MYO3B: variants seen among roughly 807,000 people sequenced by gnomAD.
MYO3B encodes myosin IIIB, also known as myosin-IIIb.
In MYO3B, 156 loss-of-function variants were observed where a neutral mutation model predicts 174.6. That is an observed-to-expected ratio of 0.89 (90% CI 0.78 to 1.02). The LOEUF is 1.02. Among genes scored for constraint, MYO3B ranks in the 50% least tolerant of loss-of-function variants. The pLI, the probability that MYO3B is intolerant of heterozygous loss-of-function variation, is 0.00. For synonymous variants in MYO3B, 563 were observed against 569.1 expected (o/e 0.99, Z 0.15); for missense variants, 1,632 against 1,639.4 (o/e 1.00, Z 0.08).
At chr2:170,603,252 G>T (rs1468702672) in intron 32 of MYO3B, among the ~76,000 whole-genome samples, 4 of 151,932 alleles carry the variant, frequency 2.6e-5, no homozygotes, top group Non-Finnish European at 5.9e-5. Flanking sequence ...CAACCCCATA[G>T]AAGTCTTAGT....
intron 25 of MYO3B, among the ~76,000 whole-genome samples, chr2:170,493,990 T>C (rs1686674958): frequency 6.6e-6 from 1 of 152,212 alleles, no homozygotes; most frequent in Non-Finnish European, 1.5e-5. Context: ...TGTAATCTCA[T>C]GAGAGACCCT....
At chr2:170,523,654 A>T (rs1688818033) in intron 30 of MYO3B, among the ~76,000 whole-genome samples, 1 of 152,190 alleles carries the variant, frequency 6.6e-6, no homozygotes, top group Non-Finnish European at 1.5e-5. Flanking sequence ...GGCCCCTTGC[A>T]TCTCTTTGCT....
intron 32 of MYO3B, among the ~76,000 whole-genome samples, chr2:170,581,595 A>G (rs1202072934): frequency 6.6e-6 from 1 of 151,880 alleles, no homozygotes; most frequent in African/African-American, 2.4e-5. Context: ...TTTTTCACAC[A>G]TAGGTAATCA....
chr2:170,436,463 G>C (rs761494653), intron 22 of MYO3B, among the ~76,000 whole-genome samples: 1 of 152,096 alleles, frequency 6.6e-6, no homozygotes, highest in African/African-American at 2.4e-5. Context: ...CCTGGATTAC[G>C]ACTTTGATGT....
At chr2:170,178,330 T>C in intron 1 of MYO3B, 41 bp downstream of exon 1, 2 of 1,613,908 alleles carry the variant, frequency 1.2e-6, no homozygotes, top group Non-Finnish European at 1.7e-6. Flanking sequence ...CTTCTGTGCT[T>C]GCTTTAGATT....
At chr2:170,590,715 G>T (rs1443977572) in intron 32 of MYO3B, among the ~76,000 whole-genome samples, 4 of 151,928 alleles carry the variant, frequency 2.6e-5, no homozygotes, top group Non-Finnish European at 4.4e-5. Context: ...TGAATTTGGA[G>T]AAGAAAAAGT....
intron 32 of MYO3B, among the ~76,000 whole-genome samples, chr2:170,623,601 G>T (rs955805067): frequency 1.1e-4 from 17 of 152,062 alleles, no homozygotes; most frequent in Non-Finnish European, 2.1e-4. Flanking sequence ...GTCAATTTTG[G>T]CTTTTGTTGC....
At position 170,382,012 on chromosome 2, in the gene MYO3B, C is replaced by T; in HGVS notation, c.972-4C>T. On this transcript the variant is annotated splice_polypyrimidine_tract_variant and splice_region_variant and intron_variant, in intron 9 of 34. Transcript: ENST00000408978. ...ATGCTTAAACTCTCTTGATAAATTT[C>T]TAGGCATGAGAGGATGCATACCAGA... 1 of 1,609,792 alleles carries T rather than the reference C, an allele frequency of 6.2e-7. No homozygotes were observed. The highest frequency in any genetic ancestry group is 8.5e-7 in the Non-Finnish European group (1 of 1,176,704).
chr2:170,510,973 A>C (rs1048001278), intron 28 of MYO3B, among the ~76,000 whole-genome samples: 3 of 151,500 alleles, frequency 2.0e-5, no homozygotes, highest in Admixed American at 2.0e-4. Flanking sequence ...AATTTTATTC[A>C]TTTACCAGCT....
intron 6 of MYO3B, among the ~76,000 whole-genome samples, chr2:170,234,184 AAAACAAAAC>A (rs1559321990): frequency 1.7e-5 from 2 of 115,638 alleles, no homozygotes; most frequent in African/African-American, 4.3e-5. Context: ...AAAAAAAAAA[AAAACAAAAC>A]AAAACAAAAA....
At chr2:170,517,989 TTG>T (rs10606302) in intron 29 of MYO3B, among the ~76,000 whole-genome samples, 33,918 of 149,204 alleles carry the variant, frequency 0.23, 6,586 homozygotes, top group African/African-American at 0.53. Flanking sequence ...GCCATAATGT[TTG>T]TGTGTGTGTG....
intron 3 of MYO3B, among the ~76,000 whole-genome samples, chr2:170,205,265 T>C (rs1215561884): frequency 6.6e-6 from 1 of 152,196 alleles, no homozygotes; most frequent in East Asian, 1.9e-4. Context: ...TGGCTACCTA[T>C]ATAAAATATT....
chr2:170,492,516 A>G (rs1443578176), intron 25 of MYO3B, among the ~76,000 whole-genome samples: 1 of 152,202 alleles, frequency 6.6e-6, no homozygotes, highest in African/African-American at 2.4e-5. Context: ...CTTTACATGA[A>G]CGAAAGTAAC....
intron 6 of MYO3B, among the ~76,000 whole-genome samples, chr2:170,224,663 G>A (rs952120119): frequency 6.6e-6 from 1 of 151,924 alleles, no homozygotes; most frequent in Non-Finnish European, 1.5e-5. Flanking sequence ...ACAGCTAACG[G>A]TCTGTTTCTG....
At chr2:170,605,378 C>G (rs1254400637) in intron 32 of MYO3B, among the ~76,000 whole-genome samples, 1 of 152,158 alleles carries the variant, frequency 6.6e-6, no homozygotes, top group African/African-American at 2.4e-5. Context: ...GTTGATGATG[C>G]CCCAGTTCAT....
Position 170,236,045 on chromosome 2 carries a change from T to G in MYO3B, c.658T>G (p.Trp220Gly), listed in dbSNP as rs2093066265. ...TTCCTATGACGCTCGCTGTGACGTC[T>G]GGTCCTTGGGGATCACAGCTATTGA... ...DSSYDARCDV[W>G]SLGITAIELG... Residue 220 changes from tryptophan (W) to glycine (G), a missense_variant, in exon 7 of 35, where the codon TGG becomes GGG. Coordinates refer to ENST00000408978, the MANE Select transcript of MYO3B (RefSeq NM_138995.5). 6.2e-7 allele frequency: 1 copy of G among 1,613,912 alleles called. No homozygotes were observed. Among genetic ancestry groups the G allele is most frequent in the African/African-American group, 1.3e-5 (1 of 74,900 alleles).
intron 30 of MYO3B, chr2:170,524,627 G>A (rs1036384274): frequency 1.7e-5 from 6 of 343,554 alleles, no homozygotes; most frequent in Non-Finnish European, 3.4e-5. Flanking sequence ...GGGATTACAG[G>A]TGCGTGCCAT....
intron 32 of MYO3B, among the ~76,000 whole-genome samples, chr2:170,602,800 C>T (rs1694594307): frequency 6.6e-6 from 1 of 152,212 alleles, no homozygotes; most frequent in African/African-American, 2.4e-5. Context: ...GGCGCAGTGA[C>T]TCACACCTGT....
chr2:170,537,544 C>T (rs977311620), intron 30 of MYO3B, among the ~76,000 whole-genome samples: 2 of 145,056 alleles, frequency 1.4e-5, no homozygotes, highest in Non-Finnish European at 3.0e-5. Context: ...CTCCCTGGGC[C>T]CAGATGATCC....
Sources: gnomAD v4.1 joint callset for allele counts (sites outside exome capture counted in the v4.1 genomes callset) on GRCh38, gnomAD v4.1.1 for gene constraint, MANE v1.5 for transcripts, NCBI Gene and HGNC (gene_info 2026-07-23, HGNC 2026-07-21) for gene names.